TEX101: variants seen among roughly 807,000 people sequenced by gnomAD.
The protein encoded by TEX101 is testis-expressed protein 101.
In TEX101, 10 loss-of-function variants were observed where a neutral mutation model predicts 18.1. The ratio of observed to expected loss-of-function variants is 0.55; its 90% CI spans 0.34 to 0.94. The LOEUF (loss-of-function observed/expected upper bound fraction) is 0.94. Ranked by LOEUF, TEX101 falls within the 40% of genes least tolerant of loss-of-function variation. The pLI, the probability that TEX101 is intolerant of heterozygous loss-of-function variation, is 0.02. For missense variants in TEX101, 259 were observed against 298.9 expected, an observed-to-expected ratio of 0.87 and a Z score of 0.98; for synonymous variants, 94 against 114.8, an observed-to-expected ratio of 0.82 and a Z score of 1.16.
intron 2 of TEX101, among the ~76,000 whole-genome samples, chr19:43,406,068 G>T (rs542486717): frequency 1.3e-5 from 1 of 79,414 alleles, no homozygotes; most frequent in Non-Finnish European, 2.4e-5. Flanking sequence ...AACATAAGGA[G>T]ACCCTGTCTC....
chr19:43,393,951 C>T, the TEX101 span, among the ~76,000 whole-genome samples: 3 of 151,944 alleles, frequency 2.0e-5, no homozygotes, highest in Non-Finnish European at 4.4e-5. Context: ...TAAACTTTCC[C>T]TTTTCTGGCT....
upstream of TEX101, among the ~76,000 whole-genome samples, chr19:43,411,939 G>C (rs1002435019): frequency 7.2e-5 from 11 of 152,176 alleles, no homozygotes; most frequent in African/African-American, 2.7e-4. Flanking sequence ...TTATGGGCTT[G>C]AGCCACTGCA....
the TEX101 span, among the ~76,000 whole-genome samples, chr19:43,394,355 T>A: frequency 3.9e-5 from 6 of 152,030 alleles, no homozygotes; most frequent in African/African-American, 2.4e-5. Flanking sequence ...CTTGCAAAGA[T>A]TATTTCTGTC....
At chr19:43,398,797 C>T (rs1262334427), upstream of TEX101, among the ~76,000 whole-genome samples, 3 of 152,030 alleles carry the variant, frequency 2.0e-5, no homozygotes, top group African/African-American at 7.2e-5. Context: ...AGATTATAGC[C>T]AAATCCCATT....
chr19:43,417,478 C>G (rs1970492836), intron 4 of TEX101, among the ~76,000 whole-genome samples: 2 of 152,186 alleles, frequency 1.3e-5, no homozygotes, highest in African/African-American at 4.8e-5. Flanking sequence ...CATAGCTAAC[C>G]CCTGTTCATC....
At chr19:43,412,874 T>C (rs998020784), upstream of TEX101, among the ~76,000 whole-genome samples, 9 of 152,150 alleles carry the variant, frequency 5.9e-5, no homozygotes. Context: ...AGGAGACCAC[T>C]ACTACTCCTG....
chr19:43,397,343 G>T (rs1250287337), upstream of TEX101, among the ~76,000 whole-genome samples: 3 of 152,004 alleles, frequency 2.0e-5, no homozygotes, highest in East Asian at 5.8e-4. Flanking sequence ...TGTGCCTGGG[G>T]TGTCTTTCAT....
upstream of TEX101, among the ~76,000 whole-genome samples, chr19:43,410,045 AAAAT>A (rs755844409): frequency 6.6e-6 from 1 of 152,160 alleles, no homozygotes; most frequent in Non-Finnish European, 1.5e-5. Context: ...TCTCAAAAAA[AAAAT>A]AAGTAAAACT....
chr19:43,393,103 G>GGAAGGAAAGAAA, the TEX101 span, among the ~76,000 whole-genome samples: 1 of 144,400 alleles, frequency 6.9e-6, no homozygotes, highest in African/African-American at 2.6e-5. Context: ...AAGGAAGGAA[G>GGAAGGAAAGAAA]GAAAGAAAGA....
the TEX101 span, among the ~76,000 whole-genome samples, chr19:43,396,348 C>T: frequency 6.6e-6 from 1 of 152,146 alleles, no homozygotes; most frequent in Admixed American, 6.5e-5. Flanking sequence ...TCTGAATAGC[C>T]CTTGCACTAT....
At chr19:43,405,009 C>T (rs1313884710) in intron 2 of TEX101, among the ~76,000 whole-genome samples, 1 of 151,584 alleles carries the variant, frequency 6.6e-6, no homozygotes, top group African/African-American at 2.4e-5. Context: ...GGCAAATACA[C>T]GTTAAAATGT....
the TEX101 span, among the ~76,000 whole-genome samples, chr19:43,392,357 A>G: frequency 1.3e-5 from 2 of 152,126 alleles, no homozygotes; most frequent in Non-Finnish European, 1.5e-5. Flanking sequence ...TTAAAAATCA[A>G]TGGTGTTATA....
intron 3 of TEX101, among the ~76,000 whole-genome samples, chr19:43,408,211 C>T (rs779921932): frequency 3.3e-5 from 5 of 152,200 alleles, no homozygotes; most frequent in Non-Finnish European, 7.3e-5. Flanking sequence ...AAGGAACATG[C>T]GCTTCCGGGG....
At chr19:43,403,712 T>C (rs1370201496) in intron 2 of TEX101, among the ~76,000 whole-genome samples, 1 of 150,880 alleles carries the variant, frequency 6.6e-6, no homozygotes, top group African/African-American at 2.4e-5. Flanking sequence ...ATCAAGTCAA[T>C]GTCAGTATTA....
chr19:43,415,565 C>G (rs994998339), intron 1 of TEX101, among the ~76,000 whole-genome samples: 3 of 152,016 alleles, frequency 2.0e-5, no homozygotes, highest in South Asian at 2.1e-4. Flanking sequence ...AGTTCGAGAC[C>G]AGCCTGACCA....
chr19:43,407,099 T>C (rs1218643372), intron 3 of TEX101, among the ~76,000 whole-genome samples: 3 of 152,100 alleles, frequency 2.0e-5, no homozygotes, highest in Non-Finnish European at 4.4e-5. Flanking sequence ...CCATGTCCTG[T>C]GGCTTTTTAA....
the TEX101 span, among the ~76,000 whole-genome samples, chr19:43,392,364 T>G: frequency 3.3e-5 from 5 of 151,856 alleles, no homozygotes; most frequent in African/African-American, 1.2e-4. Context: ...TCAATGGTGT[T>G]ATAATCCAGA....
At position 43,406,340 on chromosome 19, in the gene TEX101, AC is replaced by A. The variant is rs1356786057; in HGVS notation, c.-164del. The A allele has an allele frequency of 4.9e-6, 3 of 614,300 alleles. No individual in the cohort carries two copies. In the African/African-American group the frequency reaches 5.7e-5, roughly 12 times the overall value. The allele number at this position is 614,300 out of a possible 1,614,324, so 38.1% of individuals were successfully genotyped here. A position where few individuals can be genotyped will look rare whatever the true frequency, so the allele number is the denominator to read the frequency against. ...ATTAGTGACGCGCGCGAATGGATAG[AC>A]GCTATTCCCACCGTCCCTACATAGC... On this transcript the variant is annotated 5_prime_UTR_variant, in exon 3 of 8. Transcript: ENST00000602198.
At chr19:43,409,077 T>C (rs915616991) in intron 3 of TEX101, among the ~76,000 whole-genome samples, 4 of 152,248 alleles carry the variant, frequency 2.6e-5, no homozygotes, top group South Asian at 2.1e-4. Flanking sequence ...CACAGTTTAA[T>C]TGAGTAATGA....
Sources: gnomAD v4.1 joint callset for allele counts (sites outside exome capture counted in the v4.1 genomes callset) on GRCh38, gnomAD v4.1.1 for gene constraint, MANE v1.5 for transcripts, NCBI Gene and HGNC (gene_info 2026-07-23, HGNC 2026-07-21) for gene names.